Variants in MEGF10 observed in about 807,000 individuals in gnomAD.
MEGF10 encodes multiple epidermal growth factor-like domains protein 10.
Under a neutral mutation model 147.5 loss-of-function variants are expected in MEGF10, and 86 were observed. That is an observed-to-expected ratio of 0.58 (90% CI 0.49 to 0.70). The LOEUF (loss-of-function observed/expected upper bound fraction) is 0.70. Among genes scored for constraint, MEGF10 ranks in the 30% least tolerant of loss-of-function variants. The pLI, the probability that MEGF10 is intolerant of heterozygous loss-of-function variation, is 0.00. For missense variants in MEGF10, 1,329 were observed against 1,487.3 expected, an observed-to-expected ratio of 0.89 and a Z score of 1.75; for synonymous variants, 478 against 525.5, an observed-to-expected ratio of 0.91 and a Z score of 1.24.
chr5:127,440,678 A>G, intron 17 of MEGF10, 61 bp from the exon 18 acceptor site: 1 of 1,559,188 alleles, frequency 6.4e-7, no homozygotes, highest in Non-Finnish European at 8.8e-7. Flanking sequence ...TGGAGGCACG[A>G]GCCTCCAAGT....
At chr5:127,401,625 T>C (rs984678769) in intron 7 of MEGF10, among the ~76,000 whole-genome samples, 2 of 152,220 alleles carry the variant, frequency 1.3e-5, no homozygotes, top group African/African-American at 4.8e-5. Context: ...TTCCAATAGT[T>C]AAAAACATTA....
the MEGF10 span, among the ~76,000 whole-genome samples, chr5:127,233,928 C>T: frequency 6.6e-6 from 1 of 152,184 alleles, no homozygotes; most frequent in Non-Finnish European, 1.5e-5. Context: ...ACTTTGAAAG[C>T]TATCTGTGGG....
At chr5:127,456,336 T>C (rs1766361743) in intron 24 of MEGF10, among the ~76,000 whole-genome samples, 2 of 152,346 alleles carry the variant, frequency 1.3e-5, no homozygotes, top group South Asian at 4.1e-4. Context: ...TGGAGTTATT[T>C]TGATTGTCTT....
intron 9 of MEGF10, among the ~76,000 whole-genome samples, chr5:127,412,890 G>A (rs1310697253): frequency 3.9e-5 from 6 of 152,174 alleles, no homozygotes; most frequent in African/African-American, 1.4e-4. Context: ...ATTTGGCTGG[G>A]TGATGGGGCT....
the MEGF10 span, among the ~76,000 whole-genome samples, chr5:127,249,202 A>G: frequency 6.6e-6 from 1 of 152,040 alleles, no homozygotes; most frequent in Non-Finnish European, 1.5e-5. Context: ...AGCATTACAA[A>G]TTGGGTGGGG....
intron 6 of MEGF10, 123 bp downstream of exon 6, chr5:127,396,901 T>C (rs1443729068): frequency 2.1e-6 from 3 of 1,400,416 alleles, no homozygotes; most frequent in Non-Finnish European, 2.9e-6. Flanking sequence ...CTGATGGGTC[T>C]AGGCTGCAGG....
At chr5:127,359,439 C>T (rs1174735578) in intron 4 of MEGF10, among the ~76,000 whole-genome samples, 1 of 151,962 alleles carries the variant, frequency 6.6e-6, no homozygotes, top group East Asian at 1.9e-4. Flanking sequence ...TAAATATTGA[C>T]ATATGTACAC....
chr5:127,392,491 G>A (rs893691935), intron 5 of MEGF10, among the ~76,000 whole-genome samples: 3 of 152,150 alleles, frequency 2.0e-5, no homozygotes, highest in Non-Finnish European at 4.4e-5. Context: ...TTGTACCTAA[G>A]CCATCCCCTG....
At chr5:127,409,901 A>G (rs1413378302) in intron 8 of MEGF10, 1 of 167,730 alleles carries the variant, frequency 6.0e-6, no homozygotes, top group Non-Finnish European at 1.3e-5. Context: ...AAGAGTAAAA[A>G]CGTGGCTAAG....
chr5:127,455,497 C>G lies in MEGF10; in HGVS notation c.3122C>G (p.Pro1041Arg). 2 of 1,614,040 alleles carry G rather than the reference C, an allele frequency of 1.2e-6. No individual in the cohort carries two copies. Among genetic ancestry groups the G allele is most frequent in the Non-Finnish European group, 1.7e-6 (2 of 1,180,000 alleles). ...ATIKDPPVLI[P>R]KSSECGYVEM... ...ATTAAAGACCCACCTGTACTTATCC[C>G]GAAAAGCTCAGAGTGTGGTTATGTG... The change falls in exon 24 of 25, where the codon CCG (proline) becomes CGG (arginine). Residue 1041 changes from proline to arginine, a missense_variant. By Grantham distance (103) the Pro-to-Arg change is moderately radical. Coordinates refer to ENST00000503335, the MANE Select transcript of MEGF10 (RefSeq NM_001256545.2).
Position 127,445,470 on chromosome 5 carries a change from A to G in MEGF10, c.2505A>G (p.Ile835Met). 1.2e-6 allele frequency: 2 copies of G among 1,613,626 alleles called. No individual in the cohort carries two copies. Among genetic ancestry groups the G allele is most frequent in the Non-Finnish European group, 1.7e-6 (2 of 1,179,570 alleles). The change falls in exon 20 of 25, where the codon ATA (isoleucine) becomes ATG (methionine). Residue 835 changes from isoleucine (I) to methionine (M), a missense_variant. Ile to Met is a conservative substitution (Grantham distance 10, BLOSUM62 1). Transcript: ENST00000503335. Reference sequence around the variant, plus strand: ...TTCTTTTTCTAGCTGGTGTTATCATAGTTGGAAATCTGAACAGCTTAAGCC... The same window carrying G: ...TTCTTTTTCTAGCTGGTGTTATCATGGTTGGAAATCTGAACAGCTTAAGCC... ...GARCDQAGVIIVGNLNSLSRT... is the reference protein window; with the variant it reads ...GARCDQAGVIMVGNLNSLSRT...
chr5:127,451,815 G>T (rs1766163643), intron 22 of MEGF10, among the ~76,000 whole-genome samples: 1 of 152,166 alleles, frequency 6.6e-6, no homozygotes, highest in Non-Finnish European at 1.5e-5. Context: ...CTTTAAAGTT[G>T]TTGCACAGAA....
chr5:127,408,478 G>T (rs1156796151), intron 8 of MEGF10, among the ~76,000 whole-genome samples: 1 of 152,146 alleles, frequency 6.6e-6, no homozygotes, highest in Non-Finnish European at 1.5e-5. Flanking sequence ...CTTTAAGGAA[G>T]AAACTAAATG....
upstream of MEGF10, among the ~76,000 whole-genome samples, chr5:127,290,172 C>A (rs377112426): frequency 7.2e-5 from 11 of 152,226 alleles, 1 homozygote; most frequent in Admixed American, 4.6e-4. Context: ...GATTTTCCTG[C>A]GCGTCCGGGG....
intron 7 of MEGF10, among the ~76,000 whole-genome samples, chr5:127,401,466 C>A (rs977470984): frequency 6.6e-6 from 1 of 152,130 alleles, no homozygotes; most frequent in Non-Finnish European, 1.5e-5. Flanking sequence ...CACCAACTGC[C>A]TTTGTGGGTA....
intron 8 of MEGF10, among the ~76,000 whole-genome samples, chr5:127,406,644 G>A (rs1179333389): frequency 6.6e-6 from 1 of 152,202 alleles, no homozygotes; most frequent in Non-Finnish European, 1.5e-5. Context: ...TGTGGGGACA[G>A]TCCTCCCCGC....
Position 127,428,804 on chromosome 5 carries a change from A to G in MEGF10, c.1694-4559A>G, listed in dbSNP as rs1165947610. On this transcript the variant is annotated intron_variant, in intron 13 of 24. Transcript: ENST00000503335. ...TGGGGTTATATCTATGAGAGGGGAA[A>G]GAATGACACCCCAGATGATTTATTT... Among the ~76,000 whole-genome samples, 3 of 152,374 alleles carry G rather than the reference A, an allele frequency of 2.0e-5. No individual in the cohort carries two copies. In the South Asian group the frequency reaches 6.2e-4, roughly 32 times the overall value.
rs1759372519 is a variant in MEGF10, at chr5:127,293,819, C to G, written c.-19+2763C>G. Among the ~76,000 whole-genome samples the G allele has an allele frequency of 3.9e-5, 6 of 152,308 alleles. No homozygotes were observed. In the South Asian group the frequency reaches 1.2e-3, roughly 32 times the overall value. On this transcript the variant is annotated intron_variant, in intron 1 of 24. Transcript: ENST00000503335. ...CTGCATTTTGAGATCTCCAGGTGAA[C>G]CTGGTAAAGCTGACGTCAGATCACA...
chr5:127,244,499 T>C, the MEGF10 span, among the ~76,000 whole-genome samples: 1 of 151,954 alleles, frequency 6.6e-6, no homozygotes, highest in Non-Finnish European at 1.5e-5. Context: ...AAGAATTCAG[T>C]CTTCACATAG....
Sources: allele counts gnomAD v4.1 joint callset (sites outside exome capture counted in the v4.1 genomes callset), GRCh38; gene constraint gnomAD v4.1.1; transcripts MANE v1.5; gene names NCBI Gene and HGNC (gene_info 2026-07-23, HGNC 2026-07-21).